Variants in AFF2 observed in about 807,000 individuals in gnomAD.
The protein encoded by AFF2 is AF4/FMR2 family member 2.
In AFF2, 14 loss-of-function variants were observed where a neutral mutation model predicts 76.9. That is an observed-to-expected ratio of 0.18 (90% CI 0.12 to 0.28). The LOEUF (loss-of-function observed/expected upper bound fraction) is 0.28. Among genes scored for constraint, AFF2 ranks in the 10% least tolerant of loss-of-function variants. The probability of loss-of-function intolerance (pLI) is 1.00; values close to 1 mark genes in which losing one functional copy is unlikely to be tolerated. For missense variants in AFF2, 868 were observed against 1,001.1 expected (o/e 0.87, Z 1.79); for synonymous variants, 398 against 366.7 (o/e 1.09, Z -0.98).
At chrX:148,860,371 CTTTG>C (rs2070833816) in intron 7 of AFF2, among the ~76,000 whole-genome samples, 1 of 111,986 alleles carries the variant, frequency 8.9e-6, no homozygotes, top group Non-Finnish European at 1.9e-5. Context: ...GGAATGTAGC[CTTTG>C]TTTGCACAGC....
chrX:148,941,851 A>ATAACCAGTAACACG (rs1240774062), intron 9 of AFF2, among the ~76,000 whole-genome samples: 3 of 15,664 alleles, frequency 1.9e-4, no homozygotes, highest in Non-Finnish European at 2.6e-3. Flanking sequence ...GCTTCTGTTG[A>ATAACCAGTAACACG]TACACATTTC....
At chrX:148,505,623 A>T (rs1557232395) in intron 1 of AFF2, among the ~76,000 whole-genome samples, 2 of 111,481 alleles carry the variant, frequency 1.8e-5, no homozygotes, top group Non-Finnish European at 3.8e-5. Flanking sequence ...TTGCCATGCA[A>T]AATTTGCACT....
chrX:148,750,368 AT>A (rs1380112497), intron 3 of AFF2, among the ~76,000 whole-genome samples: 1 of 110,194 alleles, frequency 9.1e-6, no homozygotes, highest in African/African-American at 3.3e-5. Flanking sequence ...AGCATTTGAC[AT>A]TTTCCCATCC....
chrX:148,966,673 CTT>C, intron 13 of AFF2, 115 bp from the exon 14 acceptor site: 1 of 1,022,151 alleles, frequency 9.8e-7, no homozygotes, highest in Non-Finnish European at 1.3e-6. Context: ...GCATTGTTTT[CTT>C]TCTTTTTTTT....
intron 3 of AFF2, among the ~76,000 whole-genome samples, chrX:148,679,106 G>A (rs2069175154): frequency 9.2e-6 from 1 of 108,320 alleles, no homozygotes; most frequent in Admixed American, 1.0e-4. Flanking sequence ...TCGTTTGTAG[G>A]TTTTAACTGC....
At chrX:148,804,795 G>A (rs782342150) in intron 3 of AFF2, among the ~76,000 whole-genome samples, 1 of 112,064 alleles carries the variant, frequency 8.9e-6, no homozygotes, top group Non-Finnish European at 1.9e-5. Context: ...AACTGTTCCC[G>A]TTTAATCATA....
intron 3 of AFF2, among the ~76,000 whole-genome samples, chrX:148,779,686 T>C (rs2069716170): frequency 8.9e-6 from 1 of 112,014 alleles, no homozygotes; most frequent in Non-Finnish European, 1.9e-5. Context: ...CCAATGCGTC[T>C]TGGCTCTTTA....
intron 3 of AFF2, among the ~76,000 whole-genome samples, chrX:148,698,797 G>GGT (rs2054752142): frequency 1.4e-5 from 1 of 71,709 alleles, no homozygotes; most frequent in Admixed American, 1.5e-4. Flanking sequence ...GAGTTCTAGT[G>GGT]TTTTTTTTTT....
At position 148,929,339 on chromosome X, in the gene AFF2, A is replaced by G. The variant is rs782811281; in HGVS notation, c.1398-24241A>G. On this transcript the variant is annotated intron_variant, in intron 9 of 20. Coordinates refer to ENST00000370460, the MANE Select transcript of AFF2 (RefSeq NM_002025.4). ...CTCTTTAAAGAGCAGCATTCCATTA[A>G]TGAAGACATATGAAATGAAATTTTG... 4.4e-5 allele frequency among the ~76,000 whole-genome samples: 5 copies of G among 112,402 alleles called. No homozygotes were observed. In the South Asian group the frequency reaches 1.5e-3, roughly 33 times the overall value.
intron 9 of AFF2, among the ~76,000 whole-genome samples, chrX:148,909,276 C>G (rs1488179074): frequency 8.9e-6 from 1 of 112,088 alleles, no homozygotes; most frequent in East Asian, 2.8e-4. Context: ...GAACACATAT[C>G]TAGGGCATAC....
chrX:148,764,644 CTT>C (rs1210616439), intron 3 of AFF2, among the ~76,000 whole-genome samples: 1 of 112,286 alleles, frequency 8.9e-6, no homozygotes, highest in Admixed American at 9.4e-5. Context: ...TGCAAAGTCT[CTT>C]TTCGTACGTG....
chrX:148,969,004 G>C (rs1402959146), intron 15 of AFF2, among the ~76,000 whole-genome samples: 1 of 112,755 alleles, frequency 8.9e-6, no homozygotes, highest in Non-Finnish European at 1.9e-5. Context: ...CAAAGCAGGG[G>C]TTAGGGAGCA....
At chrX:148,977,618 C>G (rs1432343336) in intron 16 of AFF2, among the ~76,000 whole-genome samples, 3 of 3,841 alleles carry the variant, frequency 7.8e-4, no homozygotes, top group African/African-American at 8.5e-4. Context: ...CATTTAGACA[C>G]ACACACACAC....
Position 148,991,243 on chromosome X carries a change from C to T in AFF2, c.3847C>T (p.Pro1283Ser), listed in dbSNP as rs1326755554. 70 of 1,206,666 alleles carry T rather than the reference C, an allele frequency of 5.8e-5. No homozygotes were observed. Among genetic ancestry groups the T allele is most frequent in the Non-Finnish European group, 7.7e-5 (69 of 893,207 alleles). ...TGGTGATCTGGACACGCTGATGGGGCCTCTGACCCAGCACAGCAGCATGAC... is the reference window on the plus strand; with the variant it reads ...TGGTGATCTGGACACGCTGATGGGGTCTCTGACCCAGCACAGCAGCATGAC... ...FFGDLDTLMG[P>S]LTQHSSMTNL... Residue 1283 changes from proline to serine, a missense_variant, in exon 21 of 21, where the codon CCT becomes TCT. Coordinates refer to ENST00000370460, the MANE Select transcript of AFF2 (RefSeq NM_002025.4).
chrX:148,840,526 T>C (rs2070586341), intron 5 of AFF2, among the ~76,000 whole-genome samples: 1 of 112,633 alleles, frequency 8.9e-6, no homozygotes, highest in African/African-American at 3.2e-5. Flanking sequence ...TAGGAACTTC[T>C]GATTTTAGGA....
rs782240269 is a variant in AFF2, at chrX:148,661,940, C to A, written c.213C>A (p.Val71=). ...TNKGDALANR[V]QNTLGNYDEM... ...AAGGTGATGCACTTGCCAACCGAGT[C>A]CAGAACACGCTTGGAAACTATGATG... Residue 71 remains valine (V), a synonymous_variant, in exon 3 of 21, where the codon GTC becomes GTA. Coordinates refer to ENST00000370460, the MANE Select transcript of AFF2 (RefSeq NM_002025.4). 6 of 1,203,964 alleles carry A rather than the reference C, an allele frequency of 5.0e-6. No individual in the cohort carries two copies. The East Asian group carries it at 1.5e-4, about 30-fold the overall frequency.
chrX:148,650,359 A>G (rs782313583), intron 1 of AFF2, among the ~76,000 whole-genome samples: 12 of 111,525 alleles, frequency 1.1e-4, no homozygotes, highest in Admixed American at 1.9e-4. Context: ...TGAGACTACA[A>G]ATAATAGCCT....
intron 16 of AFF2, 139 bp downstream of exon 16, chrX:148,973,746 C>A: frequency 1.6e-6 from 1 of 620,650 alleles, no homozygotes; most frequent in Non-Finnish European, 2.3e-6. Context: ...TTAGTTCTTG[C>A]CATTTTATTA....
At chrX:148,526,341 C>T (rs1205048699) in intron 1 of AFF2, among the ~76,000 whole-genome samples, 1 of 104,176 alleles carries the variant, frequency 9.6e-6, no homozygotes, top group African/African-American at 3.5e-5. Context: ...TAATATCTTG[C>T]GAAACTATAG....
Sources: gnomAD v4.1 joint callset for allele counts (sites outside exome capture counted in the v4.1 genomes callset) on GRCh38, gnomAD v4.1.1 for gene constraint, MANE v1.5 for transcripts, NCBI Gene and HGNC (gene_info 2026-07-23, HGNC 2026-07-21) for gene names.